The following DPP10 variants were observed in gnomAD, a reference collection of about 807,000 sequenced individuals.
The protein encoded by DPP10 is dipeptidyl peptidase like 10, also known as inactive dipeptidyl peptidase 10.
DPP10 carries 33 observed loss-of-function variants against 120.9 expected under a neutral mutation model. The ratio of observed to expected loss-of-function variants is 0.27; its 90% CI spans 0.21 to 0.37. The LOEUF (loss-of-function observed/expected upper bound fraction) is 0.37, where lower values mean the gene tolerates loss of function less well. Ranked by LOEUF, DPP10 falls within the 10% of genes least tolerant of loss-of-function variation. DPP10 has a pLI of 1.00. For missense variants in DPP10, 816 were observed against 942.8 expected, an observed-to-expected ratio of 0.87 and a Z score of 1.76; for synonymous variants, 337 against 326.1, an observed-to-expected ratio of 1.03 and a Z score of -0.36.
chr2:115,531,683 A>G (rs1412251118), intron 5 of DPP10, among the ~76,000 whole-genome samples: 1 of 152,102 alleles, frequency 6.6e-6, no homozygotes, highest in African/African-American at 2.4e-5. Context: ...GAAATATAAC[A>G]TACCTATAGG....
At chr2:115,390,705 A>G (rs963620042) in intron 3 of DPP10, among the ~76,000 whole-genome samples, 1 of 152,192 alleles carries the variant, frequency 6.6e-6, no homozygotes, top group Non-Finnish European at 1.5e-5. Context: ...GCTAAATACC[A>G]TTACTCATAT....
chr2:114,837,605 T>C (rs1359796145), intron 1 of DPP10, among the ~76,000 whole-genome samples: 1 of 152,012 alleles, frequency 6.6e-6, no homozygotes, highest in Non-Finnish European at 1.5e-5. Context: ...GTGAAGATCT[T>C]GAAAAATGTG....
chr2:114,545,042 G>T (rs1448039158), intron 1 of DPP10, among the ~76,000 whole-genome samples: 1 of 151,978 alleles, frequency 6.6e-6, no homozygotes, highest in African/African-American at 2.4e-5. Flanking sequence ...AGTAGAGACG[G>T]GGTTTCATCA....
chr2:115,562,898 C>T (rs1039644031), intron 5 of DPP10, among the ~76,000 whole-genome samples: 1 of 152,188 alleles, frequency 6.6e-6, no homozygotes, highest in Non-Finnish European at 1.5e-5. Flanking sequence ...TGGGTGATCA[C>T]AGGGAATCTC....
At chr2:115,320,522 AT>A (rs1350983764) in intron 2 of DPP10, among the ~76,000 whole-genome samples, 6 of 151,386 alleles carry the variant, frequency 4.0e-5, no homozygotes, top group Non-Finnish European at 7.4e-5. Flanking sequence ...TATGTTGGTC[AT>A]CATAATTCAT....
intron 1 of DPP10, among the ~76,000 whole-genome samples, chr2:114,775,842 A>T (rs538640252): frequency 6.6e-6 from 1 of 152,334 alleles, no homozygotes; most frequent in African/African-American, 2.4e-5. Flanking sequence ...TGTACTGTTC[A>T]AGCCTCTGGC....
intron 5 of DPP10, among the ~76,000 whole-genome samples, chr2:115,662,709 A>G (rs572353100): frequency 6.6e-6 from 1 of 152,202 alleles, no homozygotes; most frequent in Non-Finnish European, 1.5e-5. Context: ...TACACCCAGT[A>G]TCTTTTTTAA....
At chr2:115,464,971 C>G (rs990167283) in intron 3 of DPP10, among the ~76,000 whole-genome samples, 3 of 152,176 alleles carry the variant, frequency 2.0e-5, no homozygotes, top group Non-Finnish European at 4.4e-5. Flanking sequence ...ATACCATGGT[C>G]TCGTTCTCCT....
chr2:114,874,664 G>A (rs1263742840), intron 1 of DPP10, among the ~76,000 whole-genome samples: 1 of 151,946 alleles, frequency 6.6e-6, no homozygotes, highest in Non-Finnish European at 1.5e-5. Flanking sequence ...TAAATGTAAT[G>A]TACTAGAATC....
chr2:114,678,833 T>G (rs1465324053), intron 1 of DPP10, among the ~76,000 whole-genome samples: 1 of 152,086 alleles, frequency 6.6e-6, no homozygotes, highest in Non-Finnish European at 1.5e-5. Flanking sequence ...TACTCTCAAA[T>G]TTATCATCAT....
intron 13 of DPP10, among the ~76,000 whole-genome samples, 157 bp downstream of exon 13, chr2:115,768,561 A>G (rs972098690): frequency 1.3e-5 from 2 of 152,136 alleles, no homozygotes; most frequent in African/African-American, 4.8e-5. Context: ...ATCCATAGCC[A>G]TACATTCAAG....
At chr2:114,714,603 A>C (rs899150354) in intron 1 of DPP10, among the ~76,000 whole-genome samples, 1 of 152,116 alleles carries the variant, frequency 6.6e-6, no homozygotes, top group Non-Finnish European at 1.5e-5. Flanking sequence ...TGGCTCCTTG[A>C]AAGTTCTTGA....
chr2:115,200,963 G>A (rs1404281340), intron 1 of DPP10, among the ~76,000 whole-genome samples: 1 of 152,154 alleles, frequency 6.6e-6, no homozygotes, highest in Non-Finnish European at 1.5e-5. Context: ...GAAGAAAACA[G>A]GAAATGGATA....
At chr2:115,663,851 C>T (rs531045940) in intron 5 of DPP10, among the ~76,000 whole-genome samples, 36 of 151,898 alleles carry the variant, frequency 2.4e-4, no homozygotes, top group African/African-American at 7.5e-4. Context: ...AAAAATTAGC[C>T]GGGTGTGGTG....
At chr2:115,405,941 T>A (rs2068476389) in intron 3 of DPP10, among the ~76,000 whole-genome samples, 1 of 152,226 alleles carries the variant, frequency 6.6e-6, no homozygotes, top group Non-Finnish European at 1.5e-5. Flanking sequence ...TTTTTCCCAC[T>A]GTCCTGATAA....
chr2:115,453,832 A>G (rs1263259717), intron 3 of DPP10, among the ~76,000 whole-genome samples: 2 of 151,668 alleles, frequency 1.3e-5, no homozygotes, highest in East Asian at 1.9e-4. Flanking sequence ...AAAGACCAAC[A>G]AAACTGACAA....
chr2:114,593,468 C>A (rs1241120969), intron 1 of DPP10, among the ~76,000 whole-genome samples: 1 of 152,166 alleles, frequency 6.6e-6, no homozygotes, highest in Non-Finnish European at 1.5e-5. Flanking sequence ...AATGCACTAA[C>A]GCGTGTCTCT....
chr2:115,639,465 G>A (rs1284026287), intron 5 of DPP10, among the ~76,000 whole-genome samples: 3 of 152,164 alleles, frequency 2.0e-5, no homozygotes, highest in Admixed American at 6.5e-5. Flanking sequence ...AACAGGAAAC[G>A]AAGTCAGGTG....
At chr2:115,103,178 T>TTC (rs1203106002) in intron 1 of DPP10, among the ~76,000 whole-genome samples, 11 of 149,942 alleles carry the variant, frequency 7.3e-5, no homozygotes, top group Non-Finnish European at 1.3e-4. Context: ...ATGATTCTGA[T>TTC]TCTCTCTTTT....
Sources: gnomAD v4.1 joint callset for allele counts (sites outside exome capture counted in the v4.1 genomes callset) on GRCh38, gnomAD v4.1.1 for gene constraint, MANE v1.5 for transcripts, NCBI Gene and HGNC (gene_info 2026-07-23, HGNC 2026-07-21) for gene names.